PPFIBP2: variants seen among roughly 807,000 people sequenced by gnomAD.
The protein encoded by PPFIBP2 is liprin-beta-2.
In PPFIBP2, 118 loss-of-function variants were observed where a neutral mutation model predicts 118.3. The observed-to-expected ratio is 1.00, with a 90% CI of 0.86 to 1.16. The LOEUF (loss-of-function observed/expected upper bound fraction) is 1.16. Ranked by LOEUF, PPFIBP2 falls within the 50% of genes most tolerant of loss-of-function variation. The probability of loss-of-function intolerance (pLI) is 0.00; values close to 1 mark genes in which losing one functional copy is unlikely to be tolerated. For missense variants in PPFIBP2, 1,195 were observed against 1,073.1 expected (o/e 1.11, Z -1.59); for synonymous variants, 414 against 397.4 (o/e 1.04, Z -0.50).
chr11:7,651,028 T>C, intron 22 of PPFIBP2, 63 bp downstream of exon 22: 1 of 1,553,656 alleles, frequency 6.4e-7, no homozygotes, highest in Non-Finnish European at 8.8e-7. Flanking sequence ...GAAACTTATT[T>C]ATTAAGGACA....
At chr11:7,548,370 C>T (rs1164545295) in intron 1 of PPFIBP2, 4 of 152,236 alleles carry the variant, frequency 2.6e-5, no homozygotes, top group African/African-American at 9.7e-5. Context: ...GCCTCAGAAC[C>T]ACCTGTTTCC....
intron 5 of PPFIBP2, among the ~76,000 whole-genome samples, chr11:7,603,569 C>T (rs1846945686): frequency 6.6e-6 from 1 of 152,176 alleles, no homozygotes; most frequent in African/African-American, 2.4e-5. Flanking sequence ...TGGTCGGTAA[C>T]ACCCTGGGTC....
At chr11:7,663,814 T>G in the PPFIBP2 span, among the ~76,000 whole-genome samples, 8 of 152,246 alleles carry the variant, frequency 5.3e-5, no homozygotes, top group Middle Eastern at 3.4e-3. Context: ...CCTGGGCGTA[T>G]GACCCTCCCA....
chr11:7,642,558 C>G, intron 17 of PPFIBP2, 132 bp downstream of exon 17: 1 of 963,174 alleles, frequency 1.0e-6, no homozygotes, highest in Non-Finnish European at 1.5e-6. Flanking sequence ...CCCAGTCAAG[C>G]AGTCCCTACA....
intron 1 of PPFIBP2, among the ~76,000 whole-genome samples, chr11:7,542,740 G>C (rs1851927298): frequency 6.6e-6 from 1 of 152,210 alleles, no homozygotes; most frequent in African/African-American, 2.4e-5. Flanking sequence ...TGAACTGGCT[G>C]ACCTTGCAGG....
intron 2 of PPFIBP2, among the ~76,000 whole-genome samples, chr11:7,558,543 C>G (rs1853913434): frequency 6.6e-6 from 1 of 152,162 alleles, no homozygotes; most frequent in Non-Finnish European, 1.5e-5. Flanking sequence ...ATCACGAGGT[C>G]AGGAGTTCGA....
intron 1 of PPFIBP2, among the ~76,000 whole-genome samples, chr11:7,515,640 C>T (rs1391943941): frequency 6.6e-6 from 1 of 152,142 alleles, no homozygotes; most frequent in East Asian, 1.9e-4. Flanking sequence ...GAGAAGTGGC[C>T]AGTGGTCCAG....
At chr11:7,665,642 T>G in the PPFIBP2 span, 1 of 1,343,678 alleles carries the variant, frequency 7.4e-7, no homozygotes, top group Non-Finnish European at 1.0e-6. Context: ...AGGGAGGAGG[T>G]GACAAGCTGC....
intron 5 of PPFIBP2, among the ~76,000 whole-genome samples, chr11:7,605,311 C>A (rs990960349): frequency 1.3e-5 from 2 of 152,148 alleles, no homozygotes; most frequent in Non-Finnish European, 2.9e-5. Context: ...ATCTTTTCAG[C>A]AAATACGAGG....
chr11:7,543,860 A>C (rs1183645561), intron 1 of PPFIBP2, among the ~76,000 whole-genome samples: 5 of 152,196 alleles, frequency 3.3e-5, no homozygotes, highest in Non-Finnish European at 7.3e-5. Context: ...ATTTTAGAAC[A>C]CATACAGATC....
Position 7,549,532 on chromosome 11 carries a change from C to T in PPFIBP2, c.57C>T (p.Ile19=), listed in dbSNP as rs1852706399. The T allele has an allele frequency of 1.9e-6, 3 of 1,562,822 alleles. No individual in the cohort carries two copies. The highest frequency in any genetic ancestry group is 1.7e-6 in the Non-Finnish European group (2 of 1,153,574). ...CTGCCCTGGAGCAAATGGACGGGAT[C>T]ATTGCAGGTACGCCCAGGGAACCCC... The part of the protein sequence containing the change: ...LEAALEQMDG[I]IAGTKTGADL... Residue 19 remains isoleucine (I), a synonymous_variant, in exon 2 of 24, where the codon ATC becomes ATT. Transcript: ENST00000299492.
intron 1 of PPFIBP2, among the ~76,000 whole-genome samples, chr11:7,523,170 G>A (rs910475820): frequency 8.5e-5 from 13 of 152,132 alleles, no homozygotes; most frequent in African/African-American, 2.9e-4. Context: ...CTGCTGTCGG[G>A]AGACTCAGTG....
intron 20 of PPFIBP2, 125 bp downstream of exon 20, chr11:7,649,360 C>G: frequency 8.0e-7 from 1 of 1,252,752 alleles, no homozygotes; most frequent in Non-Finnish European, 1.1e-6. Flanking sequence ...TCATTTGTCA[C>G]AAAAGAGGTC....
chr11:7,558,993 A>AC (rs1465486994), intron 2 of PPFIBP2, among the ~76,000 whole-genome samples: 2 of 152,164 alleles, frequency 1.3e-5, no homozygotes, highest in African/African-American at 2.4e-5. Context: ...ACTTTTTATT[A>AC]CCCCAGGTCA....
In PPFIBP2 at chr11:7,639,842, C is replaced by CG. The variant is rs1851920649; in HGVS notation, c.1348dup (p.Ala450GlyfsTer24). On this transcript the variant is annotated frameshift_variant, in exon 15 of 24. Coordinates refer to ENST00000299492, the MANE Select transcript of PPFIBP2 (RefSeq NM_003621.5). LOFTEE classifies it high-confidence loss of function. ...CTCCTCCCACCATCTGCCAGCCTGA[C>CG]GCCACGGGGAGCAGCCTGCTGAGGC... The CG allele has an allele frequency of 6.2e-7, 1 of 1,614,032 alleles. No homozygotes were observed. The highest frequency in any genetic ancestry group is 1.1e-5 in the South Asian group (1 of 91,076).
intron 1 of PPFIBP2, among the ~76,000 whole-genome samples, chr11:7,536,914 A>G (rs1250487549): frequency 3.3e-5 from 5 of 152,160 alleles, no homozygotes; most frequent in Admixed American, 3.3e-4. Flanking sequence ...GAAAGAGGAA[A>G]TGGAGTCAAG....
chr11:7,597,685 T>C lies in PPFIBP2; in HGVS notation c.486+12T>C. 1 of 1,605,874 alleles carries C rather than the reference T, an allele frequency of 6.2e-7. No individual in the cohort carries two copies. Among genetic ancestry groups the C allele is most frequent in the Non-Finnish European group, 8.5e-7 (1 of 1,173,210 alleles). On this transcript the variant is annotated intron_variant, in intron 5 of 23. Coordinates refer to ENST00000299492, the MANE Select transcript of PPFIBP2 (RefSeq NM_003621.5). ...AGATGCTTCAACAGGTAAGGGCGGGTGCACTGAAGGCCCTTGGGTGCCGAA... is the reference window on the plus strand; with the variant it reads ...AGATGCTTCAACAGGTAAGGGCGGGCGCACTGAAGGCCCTTGGGTGCCGAA...
At chr11:7,651,041 G>A (rs3923491) in intron 22 of PPFIBP2, 76 bp downstream of exon 22, 1,066,139 of 1,483,194 alleles carry the variant, frequency 0.72, 383,804 homozygotes, top group African/African-American at 0.78. Context: ...TAAGGACAAG[G>A]CACAAAAGCT....
downstream of PPFIBP2, among the ~76,000 whole-genome samples, chr11:7,654,431 C>T (rs1428611332): frequency 6.6e-6 from 1 of 152,238 alleles, no homozygotes; most frequent in African/African-American, 2.4e-5. Flanking sequence ...CACGTCACCG[C>T]TGTCTGATGG....
Sources: allele counts gnomAD v4.1 joint callset (sites outside exome capture counted in the v4.1 genomes callset), GRCh38; gene constraint gnomAD v4.1.1; transcripts MANE v1.5; gene names NCBI Gene and HGNC (gene_info 2026-07-23, HGNC 2026-07-21).